The following MCC variants were observed in gnomAD, a reference collection of about 807,000 sequenced individuals.
MCC encodes the protein MCC regulator of Wnt signaling pathway.
Under a neutral mutation model 116.2 loss-of-function variants are expected in MCC, and 90 were observed. That is an observed-to-expected ratio of 0.77 (90% CI 0.65 to 0.92). The LOEUF is 0.92. MCC is among the 40% of genes least tolerant of loss of function. The pLI is 0.00. For missense variants in MCC, 1,516 were observed against 1,312.2 expected, an observed-to-expected ratio of 1.16 and a Z score of -2.40; for synonymous variants, 578 against 510.5, an observed-to-expected ratio of 1.13 and a Z score of -1.78.
chr5:113,408,314 T>C (rs1769892757), intron 1 of MCC, among the ~76,000 whole-genome samples: 1 of 152,132 alleles, frequency 6.6e-6, no homozygotes, highest in African/African-American at 2.4e-5. Context: ...GGCATACACA[T>C]GACACTAATT....
intron 5 of MCC, among the ~76,000 whole-genome samples, chr5:113,131,394 G>T (rs1758419097): frequency 1.3e-5 from 2 of 152,078 alleles, no homozygotes. Context: ...TTACAAAACA[G>T]TGCGTGTTAT....
chr5:113,102,161 C>G (rs140627538), intron 7 of MCC, among the ~76,000 whole-genome samples: 1 of 152,314 alleles, frequency 6.6e-6, no homozygotes, highest in Non-Finnish European at 1.5e-5. Flanking sequence ...TCTGTGTTAC[C>G]TGGCAACCTT....
chr5:113,396,795 G>A (rs72797941), intron 1 of MCC, among the ~76,000 whole-genome samples: 4,445 of 152,210 alleles, frequency 0.029, 115 homozygotes, highest in Non-Finnish European at 0.039. Flanking sequence ...AATGATACCT[G>A]GCATATAATA....
intron 3 of MCC, among the ~76,000 whole-genome samples, chr5:113,172,073 T>C (rs1027130609): frequency 6.6e-6 from 1 of 152,118 alleles, no homozygotes; most frequent in African/African-American, 2.4e-5. Flanking sequence ...TGAGAACAGG[T>C]AGGACCCTTT....
In MCC at chr5:113,024,693, G is replaced by A. The variant is rs553604931; in HGVS notation, c.*2609C>T. On this transcript the variant is annotated 3_prime_UTR_variant, in exon 19 of 19. Transcript: ENST00000408903. ...TTTGTTAGAGAAAAATTCAGGTAGC[G>A]CCAGGTTATTCACAAAGGAAAATTA... 4.6e-5 allele frequency: 7 copies of A among 152,212 alleles called. No homozygotes were observed. The South Asian group carries it at 6.2e-4, about 14-fold the overall frequency. The allele number at this position is 152,212 out of a possible 1,614,324, so 9.4% of individuals were successfully genotyped here. A position where few individuals can be genotyped will look rare whatever the true frequency, so the allele number is the denominator to read the frequency against.
At chr5:113,236,929 C>T (rs1764156649) in intron 3 of MCC, among the ~76,000 whole-genome samples, 1 of 152,122 alleles carries the variant, frequency 6.6e-6, no homozygotes, top group Admixed American at 6.5e-5. Flanking sequence ...GTCTTAAAAA[C>T]ATAAAGCTGC....
At chr5:113,193,231 C>A (rs376798477) in intron 3 of MCC, among the ~76,000 whole-genome samples, 1 of 152,102 alleles carries the variant, frequency 6.6e-6, no homozygotes, top group Non-Finnish European at 1.5e-5. Flanking sequence ...TTTGATTACA[C>A]TGGGCCTACC....
At chr5:113,366,441 C>T (rs1348980686) in intron 2 of MCC, among the ~76,000 whole-genome samples, 1 of 152,114 alleles carries the variant, frequency 6.6e-6, no homozygotes, top group Non-Finnish European at 1.5e-5. Context: ...TTTAGAACTG[C>T]TTTAATCACC....
chr5:113,277,996 A>G (rs143314342), intron 3 of MCC, among the ~76,000 whole-genome samples: 2 of 152,292 alleles, frequency 1.3e-5, no homozygotes, highest in East Asian at 3.9e-4. Context: ...GGATTTTACT[A>G]GGAGATCTCC....
chr5:113,391,902 T>C (rs919240148), intron 1 of MCC, among the ~76,000 whole-genome samples: 2 of 152,204 alleles, frequency 1.3e-5, no homozygotes, highest in Non-Finnish European at 2.9e-5. Flanking sequence ...CAAACTCTTC[T>C]GTACAATTTT....
chr5:113,220,053 A>ATTTCTT (rs139520770), intron 3 of MCC, among the ~76,000 whole-genome samples: 16,852 of 62,932 alleles, frequency 0.27, 2,999 homozygotes, highest in Non-Finnish European at 0.29. Context: ...CTGCATGTCA[A>ATTTCTT]TTTCTTTTTC....
At chr5:113,449,282 AAAT>A (rs1771314462) in intron 1 of MCC, among the ~76,000 whole-genome samples, 1 of 152,252 alleles carries the variant, frequency 6.6e-6, no homozygotes, top group Non-Finnish European at 1.5e-5. Context: ...TAAAATAAAC[AAAT>A]TAGCCTCGGA....
chr5:113,178,842 C>T (rs1761467000), intron 3 of MCC, among the ~76,000 whole-genome samples: 1 of 152,192 alleles, frequency 6.6e-6, no homozygotes, highest in South Asian at 2.1e-4. Context: ...GATCTAAAGT[C>T]TTCCTGCAAA....
intron 17 of MCC, among the ~76,000 whole-genome samples, chr5:113,037,636 C>T (rs559301421): frequency 1.3e-5 from 2 of 152,084 alleles, no homozygotes; most frequent in Non-Finnish European, 1.5e-5. Flanking sequence ...TGAGTCTGCA[C>T]AGAGCTGTGA....
intron 2 of MCC, among the ~76,000 whole-genome samples, chr5:113,344,000 T>G (rs1768073969): frequency 6.6e-6 from 1 of 152,220 alleles, no homozygotes; most frequent in Non-Finnish European, 1.5e-5. Flanking sequence ...TACCTGGTTT[T>G]GACTTCCTCT....
chr5:113,408,389 G>A (rs1236174914), intron 1 of MCC, among the ~76,000 whole-genome samples: 2 of 152,010 alleles, frequency 1.3e-5, no homozygotes, highest in African/African-American at 2.4e-5. Flanking sequence ...GATCAAATAC[G>A]AGATCTTTTT....
chr5:113,240,219 G>C (rs965956260), intron 3 of MCC, among the ~76,000 whole-genome samples: 3 of 152,214 alleles, frequency 2.0e-5, no homozygotes, highest in African/African-American at 7.2e-5. Context: ...TAGTTGGCCC[G>C]GTGTTGAAAA....
chr5:113,478,586 C>T (rs747291090), intron 1 of MCC, among the ~76,000 whole-genome samples: 13 of 152,124 alleles, frequency 8.5e-5, no homozygotes, highest in Non-Finnish European at 1.8e-4. Context: ...ATGTGATAAG[C>T]TTGGGATGCC....
At chr5:113,143,099 A>G in intron 5 of MCC, 119 bp downstream of exon 5, 1 of 1,048,934 alleles carries the variant, frequency 9.5e-7, no homozygotes, top group South Asian at 1.8e-5. Flanking sequence ...ATTATAATCT[A>G]GTTTATAATC....
Sources: gnomAD v4.1 joint callset for allele counts (sites outside exome capture counted in the v4.1 genomes callset) on GRCh38, gnomAD v4.1.1 for gene constraint, MANE v1.5 for transcripts, NCBI Gene and HGNC (gene_info 2026-07-23, HGNC 2026-07-21) for gene names.